Variants in RADIL observed in about 807,000 individuals in gnomAD.
RADIL encodes Rap associating with DIL domain, also known as ras-associating and dilute domain-containing protein.
Under a neutral mutation model 97.6 loss-of-function variants are expected in RADIL, and 99 were observed. The observed-to-expected ratio is 1.01, with a 90% CI of 0.86 to 1.20. RADIL has a LOEUF of 1.20. Among genes scored for constraint, RADIL ranks in the 50% most tolerant of loss-of-function variants. RADIL has a pLI of 0.00. For synonymous variants in RADIL, 803 were observed against 691.8 expected, an observed-to-expected ratio of 1.16 and a Z score of -2.52; for missense variants, 1,765 against 1,498.9, an observed-to-expected ratio of 1.18 and a Z score of -2.93.
In RADIL at chr7:4,800,263, G is replaced by C. The variant is rs200704658; in HGVS notation, c.2890C>G (p.Arg964Gly). 23 of 1,538,136 alleles carry C rather than the reference G, an allele frequency of 1.5e-5. 1 individual carries two copies. The highest frequency in any genetic ancestry group is 2.0e-5 in the Admixed American group (1 of 49,786). Residue 964 changes from arginine (R) to glycine (G), a missense_variant, in exon 13 of 15, where the codon CGC (arginine) becomes GGC (glycine). By Grantham distance (125) the Arg-to-Gly change is moderately radical (BLOSUM62 -2). Transcript: ENST00000399583. ...CAGAAGTCCTCGGTGCTGGAGCTGC[G>C]GCTGGACGGGGCTGGAGGGGACTCC... ...AEESPPAPSS[R>G]SSSTEDFCYV...
chr7:4,833,804 C>T (rs1165777559), intron 4 of RADIL, among the ~76,000 whole-genome samples: 2 of 152,068 alleles, frequency 1.3e-5, no homozygotes, highest in Non-Finnish European at 1.5e-5. Flanking sequence ...CAGCGGGGGG[C>T]CATGACTGTG....
chr7:4,803,668 C>A lies in RADIL; in HGVS notation c.2377G>T (p.Asp793Tyr). 1 of 1,554,014 alleles carries A rather than the reference C, an allele frequency of 6.4e-7. No individual in the cohort carries two copies. The highest frequency in any genetic ancestry group is 8.7e-7 in the Non-Finnish European group (1 of 1,149,294). The stretch of plus-strand genomic sequence containing the variant: ...AGCAGGTGCTGGTAGATGCTGTCGT[C>A]CAGGCAGTTGGCTTCCAAGTCCACC... ...FQVDLEANCL[D>Y]DSIYQHLLYV... is the part of the protein sequence containing the mutation. Residue 793 changes from aspartate to tyrosine, a missense_variant, in exon 11 of 15, where the codon GAC becomes TAC. Coordinates refer to ENST00000399583, the MANE Select transcript of RADIL (RefSeq NM_018059.5).
rs1235505101 is a variant in RADIL at position 4,872,322 on chromosome 7, C to T, written c.535+5283G>A. On this transcript the variant is annotated intron_variant, in intron 2 of 14. Coordinates refer to ENST00000399583, the MANE Select transcript of RADIL (RefSeq NM_018059.5). The surrounding 1 kb of genome is among the most constrained non-coding windows in gnomAD (Gnocchi z 5.8). ...CTCATCGCCCTGCAACCACGGACGC[C>T]TCCCTCAGCAAAGATGCCCCAACCT... is the stretch of plus-strand genomic sequence containing the variant. Among the ~76,000 whole-genome samples the T allele has an allele frequency of 1.3e-5, 2 of 152,236 alleles. No individual in the cohort carries two copies. Among genetic ancestry groups the T allele is most frequent in the African/African-American group, 4.8e-5 (2 of 41,464 alleles).
intron 9 of RADIL, among the ~76,000 whole-genome samples, chr7:4,812,364 G>A (rs953846597): frequency 6.6e-6 from 1 of 151,966 alleles, no homozygotes; most frequent in Non-Finnish European, 1.5e-5. Context: ...CTGAGTGATG[G>A]CCTCCTTTTT....
rs548916628 is a variant in RADIL at position 4,870,458 on chromosome 7, T to G, written c.535+7147A>C. ...TTTTGTTTTGTTTTGTTTTGTTTCT[T>G]TGAGATGGAGTCTCGCTCTCTTGCC... On this transcript the variant is annotated intron_variant, in intron 2 of 14. Coordinates refer to ENST00000399583, the MANE Select transcript of RADIL (RefSeq NM_018059.5). 9.2e-5 allele frequency among the ~76,000 whole-genome samples: 14 copies of G among 152,316 alleles called. No homozygotes were observed. The South Asian group carries it at 2.7e-3, about 29-fold the overall frequency.
intron 2 of RADIL, among the ~76,000 whole-genome samples, chr7:4,841,465 G>C (rs987304180): frequency 6.6e-6 from 1 of 152,246 alleles, no homozygotes; most frequent in African/African-American, 2.4e-5. Context: ...CAAGCGCTGG[G>C]AGAGCTTGGT....
At position 4,803,466 on chromosome 7, in the gene RADIL, G is replaced by A; in HGVS notation, c.2499+80C>T. ...CGCTGGCTGGGTGGCCCCCTCCCCG[G>A]GCACCTCGGGGCACGCTGGCTGGGT... On this transcript the variant is annotated intron_variant, in intron 11 of 14. Transcript: ENST00000399583. 3.2e-6 allele frequency: 4 copies of A among 1,262,998 alleles called. No homozygotes were observed. In the South Asian group the frequency reaches 4.6e-5, roughly 15 times the overall value. The allele number at this position is 1,262,998 out of a possible 1,614,324, so 78.2% of individuals were successfully genotyped here.
rs558808895 is a variant in RADIL, at chr7:4,798,306, C to T, written c.*1072G>A. Reference sequence around the variant, plus strand: ...CACCAGGGGGCAGCGTGGAGCTGCACGAGGCCCAGGGCCTGGGACAGACCC... The same window carrying T: ...CACCAGGGGGCAGCGTGGAGCTGCATGAGGCCCAGGGCCTGGGACAGACCC... On this transcript the variant is annotated 3_prime_UTR_variant, in exon 15 of 15. Coordinates refer to ENST00000399583, the MANE Select transcript of RADIL (RefSeq NM_018059.5). 2.6e-5 allele frequency: 4 copies of T among 152,226 alleles called. No individual in the cohort carries two copies. The highest frequency in any genetic ancestry group is 2.1e-4 in the South Asian group (1 of 4,834). The allele number at this position is 152,226 out of a possible 1,614,324, so 9.4% of individuals were successfully genotyped here.
rs1782777342 is a variant in RADIL at position 4,819,724 on chromosome 7, A to T, written c.1616-2373T>A. On this transcript the variant is annotated intron_variant, in intron 6 of 14. Coordinates refer to ENST00000399583, the MANE Select transcript of RADIL (RefSeq NM_018059.5). This position sits in a 1 kb window ranked among gnomAD's most constrained non-coding sequence, Gnocchi z 5.8. ...TTCTTCCCACAGACATTTCCTGCAGAGGGTCGGGAGGCTGACGGGGCTCTG... is the reference window on the plus strand; with the variant it reads ...TTCTTCCCACAGACATTTCCTGCAGTGGGTCGGGAGGCTGACGGGGCTCTG... Among the ~76,000 whole-genome samples, 2 of 152,260 alleles carry T rather than the reference A, an allele frequency of 1.3e-5. No individual in the cohort carries two copies. Among genetic ancestry groups the T allele is most frequent in the South Asian group, 4.1e-4 (2 of 4,826 alleles).
At chr7:4,855,414 C>T (rs368838757) in intron 2 of RADIL, among the ~76,000 whole-genome samples, 33 of 152,086 alleles carry the variant, frequency 2.2e-4, no homozygotes, top group African/African-American at 7.5e-4. Flanking sequence ...TGAAGTACAT[C>T]AGTGTCCCAC....
chr7:4,828,908 C>G lies in RADIL; in HGVS notation c.1454+3233G>C, dbSNP rs183096875. ...TCCACCCAGAGCTGCGCTTCAGCTT[C>G]AAACTGCAGGCTGCCCAGCAAACAG... is the stretch of plus-strand genomic sequence containing the variant. On this transcript the variant is annotated intron_variant, in intron 5 of 14. Transcript: ENST00000399583. 5.9e-5 allele frequency among the ~76,000 whole-genome samples: 9 copies of G among 152,146 alleles called. No homozygotes were observed. In the East Asian group the frequency reaches 1.7e-3, roughly 30 times the overall value.
At chr7:4,806,920 G>A (rs1562428678) in intron 9 of RADIL, among the ~76,000 whole-genome samples, 1 of 152,172 alleles carries the variant, frequency 6.6e-6, no homozygotes, top group African/African-American at 2.4e-5. Context: ...ATTCTTGTCT[G>A]GAAGCCTGTG....
chr7:4,861,783 C>T (rs767568411), intron 2 of RADIL: 17 of 1,472,630 alleles, frequency 1.2e-5, no homozygotes, highest in Admixed American at 2.6e-5. Context: ...TGCGGTGGTC[C>T]CTGGGTTGTC....
rs926841377 is a variant in RADIL at position 4,834,369 on chromosome 7, G to A, written c.1416+238C>T. On this transcript the variant is annotated intron_variant, in intron 4 of 14. Transcript: ENST00000399583. The surrounding 1 kb of genome is among the most constrained non-coding windows in gnomAD (Gnocchi z 6.0). ...CTCAGGAGGTGACCTAGGACCCCAC[G>A]CAAACCCCACCCTCAGGGGCAAAGG... 1.3e-5 allele frequency among the ~76,000 whole-genome samples: 2 copies of A among 152,280 alleles called. No homozygotes were observed. The highest frequency in any genetic ancestry group is 1.5e-5 in the Non-Finnish European group (1 of 68,010).
Position 4,803,651 on chromosome 7 carries a change from C to T in RADIL, c.2394G>A (p.Gln798=). ...GAAAGTGGCGGACGTAGAGCAGGTGCTGGTAGATGCTGTCGTCCAGGCAGT... is the reference window on the plus strand; with the variant it reads ...GAAAGTGGCGGACGTAGAGCAGGTGTTGGTAGATGCTGTCGTCCAGGCAGT... ...EANCLDDSIY[Q]HLLYVRHFLW... Residue 798 remains glutamine (Q), a synonymous_variant, in exon 11 of 15, where the codon CAG becomes CAA. Coordinates refer to ENST00000399583, the MANE Select transcript of RADIL (RefSeq NM_018059.5). 6.4e-7 allele frequency: 1 copy of T among 1,550,776 alleles called. No homozygotes were observed. Among genetic ancestry groups the T allele is most frequent in the East Asian group, 2.4e-5 (1 of 40,946 alleles).
At position 4,818,057 on chromosome 7, in the gene RADIL, G is replaced by A. The variant is rs140877173; in HGVS notation, c.1616-706C>T. 3.0e-4 allele frequency among the ~76,000 whole-genome samples: 46 copies of A among 152,344 alleles called. No homozygotes were observed. The highest frequency in any genetic ancestry group is 7.9e-4 in the African/African-American group (33 of 41,592). ...GACCCTGGGTGTTCCGCCTTTGGGC[G>A]CCTTCATTCTCTCCTGGGACTGTGG... On this transcript the variant is annotated intron_variant, in intron 6 of 14. Transcript: ENST00000399583. The surrounding 1 kb of genome is among the most constrained non-coding windows in gnomAD (Gnocchi z 7.1).
At chr7:4,861,635 A>G (rs1172181808) in intron 2 of RADIL, 1 of 1,610,392 alleles carries the variant, frequency 6.2e-7, no homozygotes, top group Non-Finnish European at 8.5e-7. Context: ...CCTGCGCTGC[A>G]GTTCCTCTTC....
chr7:4,808,605 T>C, intron 9 of RADIL: 4 of 985,292 alleles, frequency 4.1e-6, no homozygotes, highest in Non-Finnish European at 4.8e-6. Context: ...GCTTGGCCCT[T>C]TACAAGAAGC....
chr7:4,799,534 C>A (rs746598698), intron 14 of RADIL, 51 bp from the exon 15 acceptor site: 1 of 1,612,778 alleles, frequency 6.2e-7, no homozygotes, highest in African/African-American at 1.3e-5. Context: ...CAGGGGAGAC[C>A]CACAGGGTGC....
Sources: allele counts gnomAD v4.1 joint callset (sites outside exome capture counted in the v4.1 genomes callset), GRCh38; gene constraint gnomAD v4.1.1; non-coding constraint Gnocchi (gnomAD v3.1); transcripts MANE v1.5; gene names NCBI Gene and HGNC (gene_info 2026-07-23, HGNC 2026-07-21).